PRIM2: variants seen among roughly 807,000 people sequenced by gnomAD.
The protein encoded by PRIM2 is DNA primase subunit 2.
PRIM2 carries 39 observed loss-of-function variants against 67.3 expected under a neutral mutation model. The observed-to-expected ratio is 0.58, with a 90% CI of 0.45 to 0.76. PRIM2 has a LOEUF of 0.76. PRIM2 is among the 30% of genes least tolerant of loss of function. The probability of loss-of-function intolerance (pLI) is 0.00; values close to 1 mark genes in which losing one functional copy is unlikely to be tolerated. For missense variants in PRIM2, 398 were observed against 598.7 expected (o/e 0.66, Z 3.50); for synonymous variants, 143 against 198.7 (o/e 0.72, Z 2.36).
chr6:57,238,713 C>A, the PRIM2 span, among the ~76,000 whole-genome samples: 1 of 152,072 alleles, frequency 6.6e-6, no homozygotes, highest in Non-Finnish European at 1.5e-5. Flanking sequence ...TAACTAAGAT[C>A]AGAGCAGAAC....
chr6:57,448,765 G>A lies in PRIM2; in HGVS notation c.694-58622G>A, dbSNP rs2215509. On this transcript the variant is annotated intron_variant, in intron 7 of 13. Transcript: ENST00000615550. The stretch of plus-strand genomic sequence containing the variant: ...AAAAAAGTTGTTAACCATTACACTC[G>A]GTCAGCATGACTTATAGGGGTGCAT... Among the ~76,000 whole-genome samples the A allele has an allele frequency of 1.4e-3, 210 of 152,268 alleles. 5 individuals carry two copies. The East Asian group carries it at 0.016, about 12-fold the overall frequency.
At chr6:57,351,993 T>C (rs1403068330) in intron 5 of PRIM2, among the ~76,000 whole-genome samples, 4 of 152,174 alleles carry the variant, frequency 2.6e-5, no homozygotes, top group Non-Finnish European at 5.9e-5. Context: ...GTTGTGAAAT[T>C]GAATGGAATC....
intron 10 of PRIM2, among the ~76,000 whole-genome samples, chr6:57,577,897 G>T (rs1248288445): frequency 6.6e-6 from 1 of 152,268 alleles, no homozygotes; most frequent in East Asian, 1.9e-4. Flanking sequence ...TGTAACTAGA[G>T]ACTTTATTCA....
chr6:57,483,749 A>G (rs1264332431), intron 7 of PRIM2, among the ~76,000 whole-genome samples: 3 of 152,210 alleles, frequency 2.0e-5, no homozygotes, highest in African/African-American at 4.8e-5. Context: ...AGGGTTTTTG[A>G]TTAGGAGAGG....
At chr6:57,287,220 A>ACTAGAAATACCATTTGAC in the PRIM2 span, among the ~76,000 whole-genome samples, 4 of 152,178 alleles carry the variant, frequency 2.6e-5, no homozygotes, top group East Asian at 7.7e-4. Flanking sequence ...AGGATCTAGA[A>ACTAGAAATACCATTTGAC]CTAGAAATAC....
At chr6:57,630,201 T>A (rs1286919148) in intron 12 of PRIM2, among the ~76,000 whole-genome samples, 2 of 151,882 alleles carry the variant, frequency 1.3e-5, no homozygotes, top group Non-Finnish European at 2.9e-5. Flanking sequence ...GGGACATGAT[T>A]AAAGTTCTTT....
intron 10 of PRIM2, among the ~76,000 whole-genome samples, chr6:57,581,089 G>C (rs1319037155): frequency 6.6e-6 from 1 of 152,178 alleles, no homozygotes; most frequent in East Asian, 1.9e-4. Context: ...CATAATTCTT[G>C]TTTCTGTGAA....
intron 7 of PRIM2, among the ~76,000 whole-genome samples, chr6:57,450,939 G>C (rs1163346962): frequency 1.3e-5 from 2 of 152,206 alleles, no homozygotes; most frequent in East Asian, 3.9e-4. Context: ...TTTTTAGGAA[G>C]GTAAGATTCT....
intron 10 of PRIM2, among the ~76,000 whole-genome samples, chr6:57,589,863 C>T (rs1776256720): frequency 6.6e-6 from 1 of 152,000 alleles, no homozygotes; most frequent in Non-Finnish European, 1.5e-5. Context: ...AGAGAGAGGC[C>T]TCATAAAGAG....
chr6:57,573,505 G>C (rs1233453325), intron 10 of PRIM2, among the ~76,000 whole-genome samples: 11 of 151,938 alleles, frequency 7.2e-5, no homozygotes, highest in Non-Finnish European at 1.6e-4. Flanking sequence ...AAACAGAATA[G>C]AAAATAATTC....
intron 10 of PRIM2, among the ~76,000 whole-genome samples, chr6:57,591,330 T>C (rs1489775866): frequency 5.6e-4 from 85 of 152,314 alleles, no homozygotes; most frequent in African/African-American, 1.9e-3. Context: ...CGCAAGAATA[T>C]GTGCTAAGAA....
intron 7 of PRIM2, among the ~76,000 whole-genome samples, chr6:57,429,662 G>T (rs1160926323): frequency 6.6e-6 from 1 of 152,156 alleles, no homozygotes; most frequent in Non-Finnish European, 1.5e-5. Flanking sequence ...TTTAGGGTGG[G>T]CCCTAATACA....
the PRIM2 span, among the ~76,000 whole-genome samples, chr6:57,260,395 C>T: frequency 6.6e-6 from 1 of 152,134 alleles, no homozygotes; most frequent in Non-Finnish European, 1.5e-5. Flanking sequence ...ATTCCAAATG[C>T]ATGGTGGGGG....
chr6:57,393,990 C>T (rs1184657272), intron 7 of PRIM2, among the ~76,000 whole-genome samples: 6 of 151,976 alleles, frequency 3.9e-5, no homozygotes, highest in African/African-American at 1.5e-4. Context: ...GGGTTTATTT[C>T]TGGATTCTCT....
At chr6:57,503,810 A>G (rs1774195600) in intron 7 of PRIM2, among the ~76,000 whole-genome samples, 1 of 152,146 alleles carries the variant, frequency 6.6e-6, no homozygotes, top group African/African-American at 2.4e-5. Flanking sequence ...TGCGTGTTAT[A>G]GTATATCTTG....
At chr6:57,382,723 A>C (rs959923529) in intron 7 of PRIM2, 3 of 152,152 alleles carry the variant, frequency 2.0e-5, no homozygotes. Context: ...GATATCTTAA[A>C]ACTATACACA....
At chr6:57,459,695 C>G (rs1233325481) in intron 7 of PRIM2, among the ~76,000 whole-genome samples, 2 of 152,128 alleles carry the variant, frequency 1.3e-5, no homozygotes, top group African/African-American at 4.8e-5. Context: ...TTCTATATTA[C>G]AATATTGAGG....
At chr6:57,416,861 G>T (rs1771279830) in intron 7 of PRIM2, among the ~76,000 whole-genome samples, 2 of 152,122 alleles carry the variant, frequency 1.3e-5, no homozygotes, top group African/African-American at 4.8e-5. Context: ...AGAGTTAGGG[G>T]CTTGGTCTGG....
intron 5 of PRIM2, among the ~76,000 whole-genome samples, chr6:57,373,966 TA>T (rs1395111979): frequency 6.6e-6 from 1 of 152,116 alleles, no homozygotes; most frequent in Admixed American, 6.5e-5. Flanking sequence ...AAAATAGTTT[TA>T]AAAAAATTCT....
Sources: gnomAD v4.1 joint callset for allele counts (sites outside exome capture counted in the v4.1 genomes callset) on GRCh38, gnomAD v4.1.1 for gene constraint, MANE v1.5 for transcripts, NCBI Gene and HGNC (gene_info 2026-07-23, HGNC 2026-07-21) for gene names.